GPR158: variants seen among roughly 807,000 people sequenced by gnomAD.
GPR158 encodes the protein metabotropic glycine receptor.
In GPR158, 30 loss-of-function variants were observed where a neutral mutation model predicts 78.2. The observed-to-expected ratio is 0.38, with a 90% CI of 0.29 to 0.52. The LOEUF (loss-of-function observed/expected upper bound fraction) is 0.52, where lower values mean the gene tolerates loss of function less well. Ranked by LOEUF, GPR158 falls within the 20% of genes least tolerant of loss-of-function variation. GPR158 has a pLI of 0.83. For missense variants in GPR158, 1,463 were observed against 1,523.5 expected, an observed-to-expected ratio of 0.96 and a Z score of 0.66; for synonymous variants, 581 against 591.1, an observed-to-expected ratio of 0.98 and a Z score of 0.25.
At position 25,175,707 on chromosome 10, in the gene GPR158, G is replaced by A. The variant is rs574076490; in HGVS notation, c.287G>A (p.Arg96Gln). The change falls in exon 1 of 11, where the codon CGA becomes CAA. Residue 96 changes from arginine (R) to glutamine (Q), a missense_variant. Coordinates refer to ENST00000376351, the MANE Select transcript of GPR158 (RefSeq NM_020752.3). The surrounding 1 kb of genome is among the most constrained non-coding windows in gnomAD (Gnocchi z 6.4). ...LYTGDSHQLKRANCSGRYELA... is the reference protein window; with the variant it reads ...LYTGDSHQLKQANCSGRYELA... ...ACCGGGGACTCCCACCAGCTGAAGC[G>A]AGCCAACTGCTCCGGCCGCTACGAG... 7.4e-6 allele frequency: 12 copies of A among 1,611,796 alleles called. No homozygotes were observed. The East Asian group carries it at 2.2e-4, about 30-fold the overall frequency.
At chr10:25,369,105 A>G (rs940916110) in intron 2 of GPR158, among the ~76,000 whole-genome samples, 4 of 151,684 alleles carry the variant, frequency 2.6e-5, no homozygotes, top group South Asian at 2.1e-4. Flanking sequence ...CAATCATGTC[A>G]TCTGCAAACA....
At chr10:25,460,399 G>A (rs540658323) in intron 4 of GPR158, among the ~76,000 whole-genome samples, 11 of 151,988 alleles carry the variant, frequency 7.2e-5, no homozygotes, top group African/African-American at 2.4e-4. Flanking sequence ...ATGGGGTTTC[G>A]CCATATTGGC....
At chr10:25,408,755 A>T (rs1156479901) in intron 3 of GPR158, among the ~76,000 whole-genome samples, 2 of 151,962 alleles carry the variant, frequency 1.3e-5, no homozygotes, top group Admixed American at 6.6e-5. Context: ...CATCATCTCA[A>T]ATTGCTCTTG....
At chr10:25,403,444 C>T (rs1444041384) in intron 3 of GPR158, among the ~76,000 whole-genome samples, 2 of 152,020 alleles carry the variant, frequency 1.3e-5, no homozygotes, top group Admixed American at 6.6e-5. Flanking sequence ...ATATAGGAAA[C>T]TAAACAGCTG....
chr10:25,423,129 G>A (rs1588856141), intron 4 of GPR158, among the ~76,000 whole-genome samples: 1 of 127,790 alleles, frequency 7.8e-6, no homozygotes, highest in African/African-American at 2.9e-5. Flanking sequence ...ACATATATAT[G>A]TATATACATA....
chr10:25,579,772 T>C (rs1402898110), intron 7 of GPR158, among the ~76,000 whole-genome samples: 4 of 152,212 alleles, frequency 2.6e-5, no homozygotes, highest in Non-Finnish European at 5.9e-5. Flanking sequence ...AGTTAGGTGA[T>C]GATAGAATGT....
intron 3 of GPR158, among the ~76,000 whole-genome samples, chr10:25,409,348 C>T (rs906217840): frequency 2.6e-5 from 4 of 152,164 alleles, no homozygotes; most frequent in East Asian, 1.9e-4. Flanking sequence ...TGCATACTGT[C>T]GTACTCTAAC....
chr10:25,265,086 GAGA>G (rs1854025888), intron 2 of GPR158, among the ~76,000 whole-genome samples: 1 of 152,084 alleles, frequency 6.6e-6, no homozygotes, highest in Non-Finnish European at 1.5e-5. Flanking sequence ...GGATCCTAGT[GAGA>G]AGAACAAAAT....
intron 2 of GPR158, among the ~76,000 whole-genome samples, chr10:25,388,580 T>C (rs1630323): frequency 0.64 from 98,152 of 152,174 alleles, 32,632 homozygotes; most frequent in Non-Finnish European, 0.73. Context: ...CCCTGGGAGC[T>C]ATCGCAATGA....
At chr10:25,465,324 T>C (rs1032944203) in intron 4 of GPR158, among the ~76,000 whole-genome samples, 6 of 152,220 alleles carry the variant, frequency 3.9e-5, no homozygotes, top group Non-Finnish European at 8.8e-5. Flanking sequence ...TGACCTGTTT[T>C]TGTGTTTGCA....
intron 5 of GPR158, among the ~76,000 whole-genome samples, chr10:25,503,240 G>C (rs950547484): frequency 6.6e-6 from 1 of 151,824 alleles, no homozygotes; most frequent in African/African-American, 2.4e-5. Context: ...AACCGGACAT[G>C]GTTGCACATG....
chr10:25,474,891 A>T (rs1234624443), intron 5 of GPR158, among the ~76,000 whole-genome samples: 1 of 152,050 alleles, frequency 6.6e-6, no homozygotes, highest in African/African-American at 2.4e-5. Flanking sequence ...TTTATTTAGC[A>T]TCTGCAGTTA....
intron 2 of GPR158, among the ~76,000 whole-genome samples, chr10:25,323,007 C>T (rs548104410): frequency 1.6e-4 from 24 of 152,064 alleles, no homozygotes; most frequent in Admixed American, 7.9e-4. Context: ...CCACCATGCC[C>T]GGCTAATTTT....
rs141356376 is a variant in GPR158, at chr10:25,308,323, C to A, written c.1008+87166C>A. On this transcript the variant is annotated intron_variant, in intron 2 of 10. Transcript: ENST00000376351. ...GACTCAAACCTACCACCCGACAGGC[C>A]CCAGTGTGTCTTGTTCCCCTCCCTG... Among the ~76,000 whole-genome samples the A allele has an allele frequency of 6.5e-3, 983 of 152,110 alleles. 11 individuals are homozygous for A. Among genetic ancestry groups the A allele is most frequent in the African/African-American group, 0.023 (935 of 41,498 alleles).
intron 3 of GPR158, among the ~76,000 whole-genome samples, chr10:25,398,930 G>A (rs546305747): frequency 1.3e-5 from 2 of 152,330 alleles, no homozygotes; most frequent in South Asian, 2.1e-4. Flanking sequence ...ACTGGTGCCA[G>A]TTCATGGCCT....
intron 2 of GPR158, among the ~76,000 whole-genome samples, chr10:25,329,434 C>G (rs1588802478): frequency 6.9e-6 from 1 of 145,868 alleles, no homozygotes; most frequent in Non-Finnish European, 1.5e-5. Flanking sequence ...AGTGAGACTC[C>G]GTTTCAAAAA....
intron 2 of GPR158, among the ~76,000 whole-genome samples, chr10:25,375,381 A>G (rs556860765): frequency 8.6e-4 from 131 of 151,646 alleles, no homozygotes; most frequent in African/African-American, 3.0e-3. Flanking sequence ...ATGAAGTCCA[A>G]TTTTTAATTT....
At chr10:25,206,130 C>T (rs1246748751) in intron 1 of GPR158, among the ~76,000 whole-genome samples, 1 of 151,852 alleles carries the variant, frequency 6.6e-6, no homozygotes, top group African/African-American at 2.4e-5. Context: ...GGACTACAGG[C>T]GCCCACCACC....
chr10:25,533,123 G>A (rs540474652), intron 5 of GPR158, among the ~76,000 whole-genome samples: 1 of 152,174 alleles, frequency 6.6e-6, no homozygotes, highest in South Asian at 2.1e-4. Flanking sequence ...ATATATTTCT[G>A]CTATTTCTTA....
Sources: gnomAD v4.1 joint callset for allele counts (sites outside exome capture counted in the v4.1 genomes callset) on GRCh38, gnomAD v4.1.1 for gene constraint, Gnocchi (gnomAD v3.1) non-coding constraint, MANE v1.5 for transcripts, NCBI Gene and HGNC (gene_info 2026-07-23, HGNC 2026-07-21) for gene names.